The following WWOX variants were observed in gnomAD, a reference collection of about 807,000 sequenced individuals.
The protein encoded by WWOX is WW domain containing oxidoreductase.
WWOX carries 69 observed loss-of-function variants against 46.2 expected under a neutral mutation model. That is an observed-to-expected ratio of 1.49 (90% CI 1.23 to 1.82). WWOX has a LOEUF of 1.82. Ranked by LOEUF, WWOX falls within the 40% of genes most tolerant of loss-of-function variation. WWOX has a pLI of 0.00. For missense variants in WWOX, 919 were observed against 542.6 expected (o/e 1.69, Z -6.89); for synonymous variants, 359 against 202.6 (o/e 1.77, Z -6.56).
At chr16:79,037,412 G>C (rs948930388) in intron 8 of WWOX, among the ~76,000 whole-genome samples, 2 of 152,114 alleles carry the variant, frequency 1.3e-5, no homozygotes, top group East Asian at 1.9e-4. Context: ...TGTGATTATC[G>C]ATGATGCTGT....
chr16:78,510,796 A>G (rs551831921), intron 8 of WWOX, among the ~76,000 whole-genome samples: 22 of 152,370 alleles, frequency 1.4e-4, no homozygotes, highest in African/African-American at 4.8e-4. Context: ...AGTGTTTGTT[A>G]AACATTTACC....
At chr16:78,550,038 A>G (rs762766818) in intron 8 of WWOX, among the ~76,000 whole-genome samples, 2 of 152,218 alleles carry the variant, frequency 1.3e-5, no homozygotes, top group Non-Finnish European at 2.9e-5. Flanking sequence ...CATTCAATAA[A>G]TGTTCATGGT....
intron 4 of WWOX, among the ~76,000 whole-genome samples, chr16:78,153,469 A>G (rs1402943234): frequency 6.6e-6 from 1 of 152,138 alleles, no homozygotes; most frequent in African/African-American, 2.4e-5. Context: ...AATCTAACCC[A>G]AGCTGAAAGA....
At chr16:78,973,555 T>A (rs2046513618) in intron 8 of WWOX, among the ~76,000 whole-genome samples, 1 of 152,180 alleles carries the variant, frequency 6.6e-6, no homozygotes, top group Non-Finnish European at 1.5e-5. Flanking sequence ...TTTGCTTTCT[T>A]TTTTTGGGGG....
At chr16:79,071,588 C>G (rs2048552231) in intron 8 of WWOX, among the ~76,000 whole-genome samples, 1 of 152,226 alleles carries the variant, frequency 6.6e-6, no homozygotes, top group Non-Finnish European at 1.5e-5. Context: ...TGGCTCTCTG[C>G]CAGCCTCCTG....
intron 4 of WWOX, chr16:78,123,103 T>A (rs1465957868): frequency 6.6e-6 from 1 of 152,206 alleles, no homozygotes; most frequent in East Asian, 1.9e-4. Flanking sequence ...ATCTTTTAGG[T>A]CTTCTAATTC....
intron 8 of WWOX, among the ~76,000 whole-genome samples, chr16:78,492,764 C>G (rs954210405): frequency 1.3e-5 from 2 of 152,126 alleles, no homozygotes; most frequent in African/African-American, 4.8e-5. Context: ...TATGCATAAT[C>G]ACATCAAGGT....
chr16:78,626,245 C>G (rs1157689828), intron 8 of WWOX, among the ~76,000 whole-genome samples: 1 of 152,038 alleles, frequency 6.6e-6, no homozygotes, highest in Non-Finnish European at 1.5e-5. Context: ...ATTCTCCTGC[C>G]TCAGCCTCCT....
intron 6 of WWOX, among the ~76,000 whole-genome samples, chr16:78,390,925 G>T (rs1468044586): frequency 6.6e-6 from 1 of 152,146 alleles, no homozygotes; most frequent in Non-Finnish European, 1.5e-5. Context: ...CCGTTTCAAA[G>T]CCTGTATGTG....
chr16:78,496,191 C>A (rs192157192), intron 8 of WWOX: 1 of 152,216 alleles, frequency 6.6e-6, no homozygotes, highest in Admixed American at 6.5e-5. Context: ...ACCTCCCCAT[C>A]ACTCCTGACT....
intron 5 of WWOX, among the ~76,000 whole-genome samples, chr16:78,216,977 C>T (rs562480725): frequency 1.3e-5 from 2 of 152,272 alleles, no homozygotes; most frequent in South Asian, 4.1e-4. Context: ...CCTGCCTTGG[C>T]CTCCTAAACT....
intron 5 of WWOX, among the ~76,000 whole-genome samples, chr16:78,373,987 A>G (rs560058866): frequency 1.3e-5 from 2 of 152,282 alleles, no homozygotes; most frequent in South Asian, 4.1e-4. Flanking sequence ...GAATTTCACC[A>G]TGTTGGCCAG....
intron 8 of WWOX, among the ~76,000 whole-genome samples, chr16:78,585,141 G>A (rs1364713836): frequency 1.3e-5 from 2 of 152,196 alleles, no homozygotes; most frequent in African/African-American, 2.4e-5. Context: ...TAAATTCAGC[G>A]TCAGATGTAC....
At chr16:78,582,149 G>C (rs1048919075) in intron 8 of WWOX, among the ~76,000 whole-genome samples, 1 of 152,152 alleles carries the variant, frequency 6.6e-6, no homozygotes, top group Non-Finnish European at 1.5e-5. Flanking sequence ...AAAATGTACA[G>C]TTATATGTTC....
At chr16:78,655,673 C>G (rs928930195) in intron 8 of WWOX, among the ~76,000 whole-genome samples, 1 of 151,650 alleles carries the variant, frequency 6.6e-6, no homozygotes, top group Non-Finnish European at 1.5e-5. Flanking sequence ...AACAGAGATG[C>G]AAGGGGCTGG....
At chr16:78,800,980 C>T (rs1436603940) in intron 8 of WWOX, among the ~76,000 whole-genome samples, 1 of 151,740 alleles carries the variant, frequency 6.6e-6, no homozygotes, top group South Asian at 2.1e-4. Context: ...TAAATGCAAA[C>T]TATCACCCCA....
intron 8 of WWOX, among the ~76,000 whole-genome samples, chr16:79,208,711 T>G (rs1194432669): frequency 1.3e-5 from 2 of 152,150 alleles, no homozygotes; most frequent in African/African-American, 4.8e-5. Flanking sequence ...TTCACTAATG[T>G]GCCTCAGTCT....
At chr16:78,893,065 G>C (rs1051058435) in intron 8 of WWOX, among the ~76,000 whole-genome samples, 4 of 152,114 alleles carry the variant, frequency 2.6e-5, no homozygotes, top group African/African-American at 4.8e-5. Flanking sequence ...GGTCAGAGGA[G>C]CACTGGAGTC....
chr16:78,360,738 C>T (rs1002164663), intron 5 of WWOX, among the ~76,000 whole-genome samples: 2 of 149,374 alleles, frequency 1.3e-5, no homozygotes, highest in Non-Finnish European at 3.0e-5. Context: ...CAAATTTCAC[C>T]ACTAAAGCAG....
Sources: allele counts gnomAD v4.1 joint callset (sites outside exome capture counted in the v4.1 genomes callset), GRCh38; gene constraint gnomAD v4.1.1; transcripts MANE v1.5; gene names NCBI Gene and HGNC (gene_info 2026-07-23, HGNC 2026-07-21).